The following PIK3CB variants were observed in gnomAD, a reference collection of about 807,000 sequenced individuals.
The protein encoded by PIK3CB is phosphatidylinositol 4,5-bisphosphate 3-kinase catalytic subunit beta isoform.
A neutral mutation model predicts 136.8 loss-of-function variants in PIK3CB; 39 were observed. The ratio of observed to expected loss-of-function variants is 0.29; its 90% CI spans 0.22 to 0.37. The LOEUF (loss-of-function observed/expected upper bound fraction) is 0.37, where lower values mean the gene tolerates loss of function less well. Among genes scored for constraint, PIK3CB ranks in the 10% least tolerant of loss-of-function variants. The pLI, the probability that PIK3CB is intolerant of heterozygous loss-of-function variation, is 1.00. For synonymous variants in PIK3CB, 428 were observed against 436.6 expected, an observed-to-expected ratio of 0.98 and a Z score of 0.25; for missense variants, 868 against 1,275.4, an observed-to-expected ratio of 0.68 and a Z score of 4.87.
intron 2 of PIK3CB, among the ~76,000 whole-genome samples, chr3:138,773,916 A>G (rs2045828408): frequency 6.6e-6 from 1 of 152,148 alleles, no homozygotes; most frequent in African/African-American, 2.4e-5. Flanking sequence ...TATTCCAATC[A>G]CTGTTTGACA....
chr3:138,739,174 G>T (rs1381353839), intron 5 of PIK3CB, among the ~76,000 whole-genome samples: 2 of 152,008 alleles, frequency 1.3e-5, no homozygotes, highest in African/African-American at 2.4e-5. Context: ...GGCCGTGCAC[G>T]CTGGCTTACA....
intron 19 of PIK3CB, among the ~76,000 whole-genome samples, chr3:138,675,544 A>G (rs1389269536): frequency 6.6e-6 from 1 of 152,146 alleles, no homozygotes; most frequent in Admixed American, 6.5e-5. Context: ...AATAAAGAGA[A>G]TCTTGAAAGG....
intron 16 of PIK3CB, among the ~76,000 whole-genome samples, chr3:138,688,548 ATCTGCATTTC>A (rs991047942): frequency 6.6e-6 from 1 of 151,284 alleles, no homozygotes; most frequent in African/African-American, 2.4e-5. Context: ...GGTGGTTCAC[ATCTGCATTTC>A]TTAGCACTTT....
intron 2 of PIK3CB, among the ~76,000 whole-genome samples, chr3:138,764,140 A>G (rs1029194432): frequency 1.3e-5 from 2 of 151,248 alleles, no homozygotes; most frequent in African/African-American, 4.9e-5. Context: ...TTCTTGATGA[A>G]ATGATTATAT....
chr3:138,743,519 C>T (rs1576378172), intron 4 of PIK3CB, among the ~76,000 whole-genome samples: 1 of 152,124 alleles, frequency 6.6e-6, no homozygotes, highest in Non-Finnish European at 1.5e-5. Context: ...GGATGGGGCA[C>T]CAACCCCCTA....
intron 2 of PIK3CB, among the ~76,000 whole-genome samples, chr3:138,775,738 C>T (rs574690773): frequency 7.2e-5 from 11 of 152,218 alleles, no homozygotes; most frequent in African/African-American, 2.6e-4. Flanking sequence ...TAATTAATCA[C>T]ATGTTACTAT....
chr3:138,757,245 A>T (rs760110221), intron 3 of PIK3CB, among the ~76,000 whole-genome samples: 3 of 152,008 alleles, frequency 2.0e-5, no homozygotes, highest in Non-Finnish European at 4.4e-5. Context: ...CTCTACTAAA[A>T]ATACAAAAAT....
intron 1 of PIK3CB, among the ~76,000 whole-genome samples, chr3:138,812,213 G>A (rs1933101561): frequency 6.6e-6 from 1 of 151,462 alleles, no homozygotes; most frequent in Admixed American, 6.6e-5. Context: ...GGAGGTGACT[G>A]GGGCTATAAA....
At chr3:138,695,553 C>T (rs2044118454) in intron 13 of PIK3CB, among the ~76,000 whole-genome samples, 1 of 152,080 alleles carries the variant, frequency 6.6e-6, no homozygotes, top group Non-Finnish European at 1.5e-5. Context: ...TCAACAATAT[C>T]TAAATGAGTA....
intron 2 of PIK3CB, among the ~76,000 whole-genome samples, chr3:138,766,309 C>T (rs1450320800): frequency 6.6e-6 from 1 of 152,196 alleles, no homozygotes; most frequent in African/African-American, 2.4e-5. Flanking sequence ...CAAGCTCCAA[C>T]AGACTGAAAA....
Position 138,770,837 on chromosome 3 carries a change from G to A in PIK3CB, c.-16-11478C>T, listed in dbSNP as rs112452617. On this transcript the variant is annotated intron_variant, in intron 2 of 23. Coordinates refer to ENST00000674063, the MANE Select transcript of PIK3CB (RefSeq NM_006219.3). The stretch of plus-strand genomic sequence containing the variant: ...AGCAGTTCTCCTGCCTCAGTCTCCC[G>A]AGAAGCTGGTATTACAGGCACCTGC... Among the ~76,000 whole-genome samples the A allele has an allele frequency of 2.7e-3, 407 of 151,648 alleles. 1 individual carries two copies. The highest frequency in any genetic ancestry group is 4.0e-3 in the Non-Finnish European group (270 of 67,902).
chr3:138,790,906 C>A (rs922698911), intron 2 of PIK3CB, among the ~76,000 whole-genome samples: 1 of 150,716 alleles, frequency 6.6e-6, no homozygotes, highest in East Asian at 2.0e-4. Context: ...GAGGTTGCAG[C>A]AAGCCGAGAT....
chr3:138,714,486 G>T lies in PIK3CB; in HGVS notation c.1284C>A (p.Ile428=), dbSNP rs184069629. ...KTINPSKYQT[I]RKAGKVHYPV... The stretch of plus-strand genomic sequence containing the variant: ...TCATTACCACTTTTCCAGCTTTCCT[G>T]ATGGTCTGATATTTAGAGGGATTAA... The change falls in exon 9 of 24, where the codon ATC becomes ATA. Residue 428 remains isoleucine (I), a synonymous_variant. Transcript: ENST00000674063. 13 of 1,608,088 alleles carry T rather than the reference G, an allele frequency of 8.1e-6. No homozygotes were observed. In the Admixed American group the frequency reaches 1.5e-4, roughly 19 times the overall value.
At chr3:138,705,234 TA>T (rs1357384498) in intron 11 of PIK3CB, among the ~76,000 whole-genome samples, 1 of 143,978 alleles carries the variant, frequency 6.9e-6, no homozygotes, top group Non-Finnish European at 1.5e-5. Context: ...GCTATATTTG[TA>T]AAAGTACTTC....
chr3:138,693,889 A>G (rs1350618424), intron 14 of PIK3CB, among the ~76,000 whole-genome samples: 11 of 142,364 alleles, frequency 7.7e-5, no homozygotes, highest in African/African-American at 2.9e-4. Flanking sequence ...AAGACTGGAT[A>G]AGGAAACTAT....
At chr3:138,722,572 G>A (rs1041491679) in intron 8 of PIK3CB, among the ~76,000 whole-genome samples, 2 of 151,720 alleles carry the variant, frequency 1.3e-5, no homozygotes, top group African/African-American at 4.8e-5. Context: ...CTCAATAAAT[G>A]TTCGCTAGTA....
In PIK3CB at chr3:138,654,721, T is replaced by A. The variant is rs2043163687; in HGVS notation, c.*668A>T. On this transcript the variant is annotated 3_prime_UTR_variant, in exon 24 of 24. Transcript: ENST00000674063. ...TACCAAAGAAACATTTATATAGAAC[T>A]CCCACTAGAAATTTTATAAATATAT... is the stretch of plus-strand genomic sequence containing the variant. 9.2e-6 allele frequency: 2 copies of A among 217,704 alleles called. No individual in the cohort carries two copies. The highest frequency in any genetic ancestry group is 1.2e-4 in the Admixed American group (2 of 17,224). 13.5% of individuals were successfully genotyped at this position (217,704 alleles called of 1,614,324 possible).
chr3:138,748,619 T>C (rs1447890536), intron 4 of PIK3CB, among the ~76,000 whole-genome samples: 2 of 152,224 alleles, frequency 1.3e-5, no homozygotes, highest in African/African-American at 2.4e-5. Flanking sequence ...GATACATCCA[T>C]GTATCATTAT....
chr3:138,768,335 C>T (rs570497876), intron 2 of PIK3CB, among the ~76,000 whole-genome samples: 3 of 152,140 alleles, frequency 2.0e-5, no homozygotes, highest in African/African-American at 7.2e-5. Flanking sequence ...ATGTCTGCTG[C>T]TCTCAACCAA....
Sources: allele counts gnomAD v4.1 joint callset (sites outside exome capture counted in the v4.1 genomes callset), GRCh38; gene constraint gnomAD v4.1.1; transcripts MANE v1.5; gene names NCBI Gene and HGNC (gene_info 2026-07-23, HGNC 2026-07-21).